Variants in ACTR3C observed in about 807,000 individuals in gnomAD.
ACTR3C encodes the protein actin related protein 3C, also known as actin-related protein 3C.
ACTR3C carries 18 observed loss-of-function variants against 26.3 expected under a neutral mutation model. The observed-to-expected ratio is 0.68, with a 90% CI of 0.47 to 1.01. The LOEUF is 1.01. Among genes scored for constraint, ACTR3C ranks in the 50% least tolerant of loss-of-function variants. ACTR3C has a pLI of 0.00. For synonymous variants in ACTR3C, 55 were observed against 94.5 expected (o/e 0.58, Z 2.42); for missense variants, 184 against 250.7 (o/e 0.73, Z 1.80).
At chr7:150,266,945 G>T (rs1205712552) in intron 6 of ACTR3C, among the ~76,000 whole-genome samples, 1 of 152,172 alleles carries the variant, frequency 6.6e-6, no homozygotes, top group East Asian at 1.9e-4. Context: ...TAAGTACTTT[G>T]GAAAAACTTA....
the ACTR3C span, among the ~76,000 whole-genome samples, chr7:150,147,977 A>G: frequency 6.8e-6 from 1 of 148,000 alleles, no homozygotes; most frequent in Non-Finnish European, 1.5e-5. Flanking sequence ...GGGGAACAAC[A>G]CACACTGAAG....
chr7:149,938,098 C>T, the ACTR3C span, among the ~76,000 whole-genome samples: 2 of 152,110 alleles, frequency 1.3e-5, no homozygotes, highest in East Asian at 1.9e-4. Flanking sequence ...TGAGGGATTC[C>T]GCCCTGGGAA....
At chr7:150,136,377 C>A in the ACTR3C span, among the ~76,000 whole-genome samples, 1 of 152,124 alleles carries the variant, frequency 6.6e-6, no homozygotes, top group African/African-American at 2.4e-5. Context: ...TGTTTGAAGA[C>A]CTGAAACTCA....
At chr7:149,990,783 C>G in the ACTR3C span, among the ~76,000 whole-genome samples, 1 of 152,208 alleles carries the variant, frequency 6.6e-6, no homozygotes, top group East Asian at 1.9e-4. Context: ...ACCCCTTTCT[C>G]TCCTCTCCAT....
the ACTR3C span, among the ~76,000 whole-genome samples, chr7:150,005,290 C>T: frequency 6.6e-6 from 1 of 152,124 alleles, no homozygotes; most frequent in South Asian, 2.1e-4. Flanking sequence ...AAGCACAGCT[C>T]CCACCCCTGA....
chr7:150,251,102 A>G (rs1354560134), intron 6 of ACTR3C, among the ~76,000 whole-genome samples: 1 of 152,178 alleles, frequency 6.6e-6, no homozygotes, highest in African/African-American at 2.4e-5. Context: ...TAGTCACTTG[A>G]TAATATTTAC....
At chr7:150,054,154 G>A in the ACTR3C span, among the ~76,000 whole-genome samples, 3 of 152,146 alleles carry the variant, frequency 2.0e-5, no homozygotes, top group Non-Finnish European at 2.9e-5. Flanking sequence ...ATAATATAGC[G>A]GAGCATGTGA....
chr7:150,049,695 A>C, the ACTR3C span, among the ~76,000 whole-genome samples: 1 of 152,102 alleles, frequency 6.6e-6, no homozygotes, highest in Non-Finnish European at 1.5e-5. Context: ...CCGGTGAACA[A>C]GTCTCCTGGG....
the ACTR3C span, among the ~76,000 whole-genome samples, chr7:150,103,543 A>C: frequency 1.3e-5 from 2 of 151,814 alleles, no homozygotes. Flanking sequence ...CCACTATAGG[A>C]CCTGTCATGT....
At chr7:150,270,765 C>G (rs1834388785) in intron 6 of ACTR3C, among the ~76,000 whole-genome samples, 1 of 151,680 alleles carries the variant, frequency 6.6e-6, no homozygotes, top group African/African-American at 2.4e-5. Flanking sequence ...TGGTACCCAC[C>G]TGGCCCTGGT....
chr7:149,891,426 T>A, the ACTR3C span: 1 of 1,103,220 alleles, frequency 9.1e-7, no homozygotes, highest in African/African-American at 1.6e-5. Flanking sequence ...CAGTTGTTGT[T>A]AATTCTTGTA....
chr7:150,016,936 G>T, the ACTR3C span, among the ~76,000 whole-genome samples: 1 of 152,080 alleles, frequency 6.6e-6, no homozygotes, highest in Non-Finnish European at 1.5e-5. Context: ...ATTCTTGGAG[G>T]TATTCCCAGG....
chr7:150,035,750 G>A, the ACTR3C span, among the ~76,000 whole-genome samples: 5 of 140,168 alleles, frequency 3.6e-5, 2 homozygotes, highest in Admixed American at 1.4e-4. Flanking sequence ...CCCGCCTCGC[G>A]GGGGGTGCGT....
chr7:149,926,610 G>A, the ACTR3C span, among the ~76,000 whole-genome samples: 3 of 152,096 alleles, frequency 2.0e-5, no homozygotes, highest in Non-Finnish European at 4.4e-5. Flanking sequence ...GGAATTAACT[G>A]CATCCTGCAC....
the ACTR3C span, among the ~76,000 whole-genome samples, chr7:149,953,092 G>C: frequency 6.7e-6 from 1 of 149,174 alleles, no homozygotes; most frequent in African/African-American, 2.6e-5. Flanking sequence ...TATAGCCCAA[G>C]AAATGAATGC....
At chr7:150,282,345 C>T (rs1428233086) in intron 6 of ACTR3C, among the ~76,000 whole-genome samples, 1 of 152,186 alleles carries the variant, frequency 6.6e-6, no homozygotes, top group African/African-American at 2.4e-5. Flanking sequence ...TGCTGCTAAA[C>T]ACTGAGATTT....
At chr7:150,275,299 G>A (rs974218026) in intron 6 of ACTR3C, among the ~76,000 whole-genome samples, 3 of 152,216 alleles carry the variant, frequency 2.0e-5, no homozygotes, top group African/African-American at 7.2e-5. Context: ...AGTCGCTTAA[G>A]AAAGGGCTCA....
chr7:150,118,948 A>AT, the ACTR3C span, among the ~76,000 whole-genome samples: 3 of 151,744 alleles, frequency 2.0e-5, no homozygotes, highest in African/African-American at 7.3e-5. Flanking sequence ...CTTAAAAAAA[A>AT]AAAAAAACTC....
chr7:150,094,713 G>A, the ACTR3C span, among the ~76,000 whole-genome samples: 1 of 150,658 alleles, frequency 6.6e-6, no homozygotes, highest in Non-Finnish European at 1.5e-5. Flanking sequence ...TTGAGATAAG[G>A]TGAGCAGGAA....
Sources: gnomAD v4.1 joint callset for allele counts (sites outside exome capture counted in the v4.1 genomes callset) on GRCh38, gnomAD v4.1.1 for gene constraint, MANE v1.5 for transcripts, NCBI Gene and HGNC (gene_info 2026-07-23, HGNC 2026-07-21) for gene names.